The following PRKAR1A variants were observed in gnomAD, a reference collection of about 807,000 sequenced individuals.
PRKAR1A encodes the protein protein kinase cAMP-dependent type I regulatory subunit alpha.
PRKAR1A carries 3 observed loss-of-function variants against 52.0 expected under a neutral mutation model. The observed-to-expected ratio is 0.06, with a 90% confidence interval of 0.03 to 0.15. The LOEUF is 0.15. Ranked by LOEUF, PRKAR1A falls within the 10% of genes least tolerant of loss-of-function variation. The probability of loss-of-function intolerance (pLI) is 1.00; values close to 1 mark genes in which losing one functional copy is unlikely to be tolerated. For missense variants in PRKAR1A, 240 were observed against 477.4 expected (o/e 0.50, Z 4.63); for synonymous variants, 188 against 168.4 (o/e 1.12, Z -0.90).
At chr17:68,494,375 A>G in the PRKAR1A span, among the ~76,000 whole-genome samples, 1 of 152,046 alleles carries the variant, frequency 6.6e-6, no homozygotes, top group African/African-American at 2.4e-5. Context: ...CCTCATCTCT[A>G]CTACAAAAAT....
intron 7 of PRKAR1A, 36 bp downstream of exon 7, chr17:68,525,948 A>G (rs374407302): frequency 1.2e-6 from 2 of 1,607,426 alleles, no homozygotes; most frequent in African/African-American, 2.7e-5. Context: ...GTGATTTAGA[A>G]TTCTCATCTA....
chr17:68,457,301 C>CT, the PRKAR1A span: 1 of 1,537,084 alleles, frequency 6.5e-7, no homozygotes, highest in Admixed American at 2.0e-5. Flanking sequence ...TCCTGACACT[C>CT]TGTCCCCCAC....
chr17:68,488,219 A>G, the PRKAR1A span, among the ~76,000 whole-genome samples: 14 of 152,156 alleles, frequency 9.2e-5, no homozygotes, highest in Middle Eastern at 3.4e-3. Flanking sequence ...GGCCTGGCTT[A>G]TTTGAGCAAC....
chr17:68,451,218 G>A, the PRKAR1A span, among the ~76,000 whole-genome samples: 1 of 152,262 alleles, frequency 6.6e-6, no homozygotes, highest in South Asian at 2.1e-4. Context: ...ATCACTTGAG[G>A]CCAGGAGTTC....
At chr17:68,419,538 T>C in the PRKAR1A span, among the ~76,000 whole-genome samples, 5 of 152,098 alleles carry the variant, frequency 3.3e-5, no homozygotes, top group African/African-American at 9.7e-5. Context: ...GATTGTGCCA[T>C]TGCACTCCAG....
chr17:68,478,629 T>C, the PRKAR1A span, among the ~76,000 whole-genome samples: 3 of 152,196 alleles, frequency 2.0e-5, no homozygotes, highest in African/African-American at 7.2e-5. Context: ...TGTGTGTGTA[T>C]CTGAATGTGT....
chr17:68,526,807 C>A (rs759352345), intron 7 of PRKAR1A, among the ~76,000 whole-genome samples: 2 of 152,102 alleles, frequency 1.3e-5, no homozygotes. Context: ...AGGAAAAATA[C>A]CTGTGGTGTA....
chr17:68,498,379 T>C, the PRKAR1A span, among the ~76,000 whole-genome samples: 2 of 152,226 alleles, frequency 1.3e-5, no homozygotes, highest in Non-Finnish European at 2.9e-5. Flanking sequence ...TTTGTTTTTA[T>C]CCATATTTTA....
the PRKAR1A span, chr17:68,421,502 A>G: frequency 2.1e-6 from 1 of 468,284 alleles, no homozygotes; most frequent in South Asian, 3.1e-5. Flanking sequence ...TTCCGGTTAT[A>G]TACCAATATG....
chr17:68,530,325 C>G lies in PRKAR1A; in HGVS notation c.1022C>G (p.Ala341Gly). 2 of 1,614,124 alleles carry G rather than the reference C, an allele frequency of 1.2e-6. No homozygotes were observed. Among genetic ancestry groups the G allele is most frequent in the Non-Finnish European group, 1.7e-6 (2 of 1,179,986 alleles). The stretch of plus-strand genomic sequence containing the variant: ...CGTCCTCGTGCTGCCACAGTTGTTG[C>G]TCGTGGCCCCTTGAAGTGCGTTAAG... The part of the protein sequence containing the change: ...MNRPRAATVV[A>G]RGPLKCVKLD... The change falls in exon 11 of 11, where the codon GCT becomes GGT. Residue 341 changes from alanine to glycine, a missense_variant. Ala to Gly is a moderately conservative substitution (Grantham distance 60, BLOSUM62 0). This residue lies in a region of PRKAR1A where 26 missense variants were observed against 53.6 expected (regional missense o/e 0.48). Transcript: ENST00000589228.
chr17:68,419,085 T>C, the PRKAR1A span, among the ~76,000 whole-genome samples: 3 of 152,120 alleles, frequency 2.0e-5, no homozygotes, highest in African/African-American at 7.2e-5. Context: ...CCAAACATTT[T>C]TGTCCTTCCT....
intron 3 of PRKAR1A, among the ~76,000 whole-genome samples, chr17:68,523,180 A>C (rs1328611503): frequency 6.6e-6 from 1 of 152,110 alleles, no homozygotes; most frequent in Non-Finnish European, 1.5e-5. Context: ...CAGTAGAAGG[A>C]GGTGGGCGGT....
At chr17:68,493,462 C>G in the PRKAR1A span, among the ~76,000 whole-genome samples, 2 of 152,134 alleles carry the variant, frequency 1.3e-5, no homozygotes, top group African/African-American at 2.4e-5. Flanking sequence ...AGCTGATTCC[C>G]CCCGCACGTG....
At chr17:68,464,201 C>T in the PRKAR1A span, among the ~76,000 whole-genome samples, 21 of 152,320 alleles carry the variant, frequency 1.4e-4, no homozygotes, top group African/African-American at 5.1e-4. Flanking sequence ...ATCAAAGCCT[C>T]TCCCAGACCC....
the PRKAR1A span, among the ~76,000 whole-genome samples, chr17:68,446,935 C>T: frequency 4.3e-4 from 65 of 152,290 alleles, no homozygotes; most frequent in Non-Finnish European, 7.9e-4. Flanking sequence ...TGGGAGGGAA[C>T]GAGGATGCAC....
At chr17:68,432,809 C>G in the PRKAR1A span, among the ~76,000 whole-genome samples, 1 of 152,194 alleles carries the variant, frequency 6.6e-6, no homozygotes. Context: ...TCCTTGCCCC[C>G]CACCGTGGGG....
upstream of PRKAR1A, among the ~76,000 whole-genome samples, chr17:68,509,335 A>T (rs189365421): frequency 4.1e-3 from 619 of 152,156 alleles, 10 homozygotes; most frequent in African/African-American, 0.015. Flanking sequence ...GCTAATTTTT[A>T]AAATTTTTTT....
At chr17:68,466,808 A>C in the PRKAR1A span, among the ~76,000 whole-genome samples, 1 of 152,300 alleles carries the variant, frequency 6.6e-6, no homozygotes, top group South Asian at 2.1e-4. Flanking sequence ...TAAGTGAACA[A>C]CGCGGTGACA....
the PRKAR1A span, among the ~76,000 whole-genome samples, chr17:68,460,731 C>A: frequency 2.6e-5 from 4 of 152,156 alleles, no homozygotes; most frequent in Non-Finnish European, 4.4e-5. Context: ...AAAACTAATT[C>A]TTATTTTCAA....
Sources: allele counts gnomAD v4.1 joint callset (sites outside exome capture counted in the v4.1 genomes callset), GRCh38; gene constraint gnomAD v4.1.1; regional missense constraint gnomAD v4.1.1; transcripts MANE v1.5; gene names NCBI Gene and HGNC (gene_info 2026-07-23, HGNC 2026-07-21).